The following KCNK18 variants were observed in gnomAD, a reference collection of about 807,000 sequenced individuals.
KCNK18 encodes the protein potassium two pore domain channel subfamily K member 18, also known as potassium channel subfamily K member 18.
A neutral mutation model predicts 11.8 loss-of-function variants in KCNK18; 8 were observed. The ratio of observed to expected loss-of-function variants is 0.68; its 90% CI spans 0.40 to 1.22. KCNK18 has a LOEUF of 1.22. Among genes scored for constraint, KCNK18 ranks in the 50% most tolerant of loss-of-function variants. KCNK18 has a pLI of 0.01. For synonymous variants in KCNK18, 208 were observed against 185.8 expected (o/e 1.12, Z -0.97); for missense variants, 442 against 465.4 (o/e 0.95, Z 0.46).
intron 2 of KCNK18, among the ~76,000 whole-genome samples, chr10:117,204,508 T>TG (rs1855054435): frequency 1.3e-5 from 2 of 152,064 alleles, no homozygotes; most frequent in African/African-American, 2.4e-5. Context: ...AAATTTCCTC[T>TG]GGGGGGCAAA....
intron 2 of KCNK18, among the ~76,000 whole-genome samples, chr10:117,205,702 C>G (rs1435683229): frequency 6.6e-6 from 1 of 152,168 alleles, no homozygotes; most frequent in Non-Finnish European, 1.5e-5. Flanking sequence ...TGTCCTGCGT[C>G]TATCTGAAGC....
chr10:117,197,636 C>T lies in KCNK18; in HGVS notation c.148C>T (p.Leu50=), dbSNP rs761689670. 8.1e-6 allele frequency: 13 copies of T among 1,614,076 alleles called. No homozygotes were observed. In the South Asian group the frequency reaches 1.4e-4, roughly 18 times the overall value. The change falls in exon 1 of 3, where the codon CTG becomes TTG. Residue 50 remains leucine, a synonymous_variant. Transcript: ENST00000334549. ...CTCTGCCATTGAGGACGGCCAGGTCCTGGTGGCAGCAGATGATGGAGAGTT... is the reference window on the plus strand; with the variant it reads ...CTCTGCCATTGAGGACGGCCAGGTCTTGGTGGCAGCAGATGATGGAGAGTT... ...VFSAIEDGQV[L]VAADDGEFEK... is the part of the protein sequence containing the mutation.
chr10:117,202,483 A>G (rs956682731), intron 2 of KCNK18, among the ~76,000 whole-genome samples: 8 of 152,348 alleles, frequency 5.3e-5, no homozygotes, highest in Admixed American at 4.6e-4. Flanking sequence ...ATTCGCAGTC[A>G]TGGCATTGGG....
At position 117,210,257 on chromosome 10, in the gene KCNK18, A is replaced by C. The variant is rs1406842223; in HGVS notation, c.1113A>C (p.Leu371=). ...TTGACATATACAAAAATGTTATGCTATTCTTTGCAAAAGGGAAGTTTTACC... is the reference window on the plus strand; with the variant it reads ...TTGACATATACAAAAATGTTATGCTCTTCTTTGCAAAAGGGAAGTTTTACC... ...RLIDIYKNVM[L]FFAKGKFYHL... Residue 371 remains leucine, a synonymous_variant, in exon 3 of 3, where the codon CTA becomes CTC. Transcript: ENST00000334549. The C allele has an allele frequency of 1.2e-6, 2 of 1,614,122 alleles. No individual in the cohort carries two copies. The highest frequency in any genetic ancestry group is 2.2e-5 in the South Asian group (2 of 91,086).
rs1163642876 is a variant in KCNK18 at position 117,197,718 on chromosome 10, G to T, written c.223+7G>T. ...TTGAACTGCAGTGAAACAGGTAGGTGCCTCACCTGGACAGGGTGGGCCTTT... is the reference window on the plus strand; with the variant it reads ...TTGAACTGCAGTGAAACAGGTAGGTTCCTCACCTGGACAGGGTGGGCCTTT... On this transcript the variant is annotated splice_region_variant and intron_variant, in intron 1 of 2. Coordinates refer to ENST00000334549, the MANE Select transcript of KCNK18 (RefSeq NM_181840.1). 6.2e-7 allele frequency: 1 copy of T among 1,612,544 alleles called. No homozygotes were observed. The highest frequency in any genetic ancestry group is 2.2e-5 in the East Asian group (1 of 44,886).
At chr10:117,201,659 C>T (rs766847802) in intron 2 of KCNK18, among the ~76,000 whole-genome samples, 1 of 152,320 alleles carries the variant, frequency 6.6e-6, no homozygotes, top group African/African-American at 2.4e-5. Flanking sequence ...CTATGTATAA[C>T]TTTCTATGCA....
chr10:117,202,441 C>T (rs539883608), intron 2 of KCNK18, among the ~76,000 whole-genome samples: 1 of 152,240 alleles, frequency 6.6e-6, no homozygotes, highest in Non-Finnish European at 1.5e-5. Context: ...GAGGACAGCT[C>T]TAGGCTGATA....
intron 1 of KCNK18, among the ~76,000 whole-genome samples, chr10:117,199,146 C>G (rs1435925747): frequency 6.6e-6 from 1 of 152,182 alleles, no homozygotes; most frequent in Non-Finnish European, 1.5e-5. Flanking sequence ...AGGTGAGACC[C>G]TGTCTCTATA....
At chr10:117,208,413 G>A (rs542043990) in intron 2 of KCNK18, among the ~76,000 whole-genome samples, 28 of 152,154 alleles carry the variant, frequency 1.8e-4, no homozygotes, top group Non-Finnish European at 3.7e-4. Flanking sequence ...TAGTCAATAC[G>A]CAAAGTAGGT....
chr10:117,201,036 T>C, intron 1 of KCNK18, 123 bp from the exon 2 acceptor site: 1 of 1,186,476 alleles, frequency 8.4e-7, no homozygotes, highest in East Asian at 2.3e-5. Flanking sequence ...GCTTTGGTGT[T>C]GATACTGACC....
chr10:117,209,456 A>G, intron 2 of KCNK18, 41 bp from the exon 3 acceptor site: 1 of 1,531,496 alleles, frequency 6.5e-7, no homozygotes, highest in Middle Eastern at 1.7e-4. Flanking sequence ...GAAAAAGGGA[A>G]GGGGCCAGAT....
intron 2 of KCNK18, among the ~76,000 whole-genome samples, chr10:117,202,795 C>T (rs878499): frequency 6.6e-6 from 1 of 151,796 alleles, no homozygotes; most frequent in African/African-American, 2.4e-5. Context: ...GGTGGGCAAC[C>T]GGTGTCTGCT....
intron 1 of KCNK18, among the ~76,000 whole-genome samples, chr10:117,199,324 T>C (rs1012466554): frequency 6.6e-6 from 1 of 152,044 alleles, no homozygotes; most frequent in African/African-American, 2.4e-5. Flanking sequence ...GTCTCAAAAA[T>C]AAATAAGTAA....
At position 117,209,573 on chromosome 10, in the gene KCNK18, G is replaced by C; in HGVS notation, c.429G>C (p.Leu143=). Residue 143 remains leucine, a synonymous_variant, in exon 3 of 3, where the codon CTG becomes CTC. Coordinates refer to ENST00000334549, the MANE Select transcript of KCNK18 (RefSeq NM_181840.1). ...TCTATGCTCTCTTTGGTATCCCCCT[G>C]ATGTTCCTCGTTCTCACGGACACAG... The part of the protein sequence containing the change: ...CMLYALFGIP[L]MFLVLTDTGD... 1 of 1,614,056 alleles carries C rather than the reference G, an allele frequency of 6.2e-7. No homozygotes were observed. Among genetic ancestry groups the C allele is most frequent in the Non-Finnish European group, 8.5e-7 (1 of 1,180,020 alleles).
intron 2 of KCNK18, among the ~76,000 whole-genome samples, chr10:117,207,635 G>T (rs1490232141): frequency 6.6e-6 from 1 of 152,194 alleles, no homozygotes; most frequent in Non-Finnish European, 1.5e-5. Context: ...GTGGCATGGA[G>T]TGCTCTGGAA....
intron 2 of KCNK18, 131 bp from the exon 3 acceptor site, chr10:117,209,366 T>G: frequency 1.2e-6 from 1 of 835,818 alleles, no homozygotes. Flanking sequence ...TGCTTTGAGA[T>G]GAGTATTTTC....
chr10:117,209,997 A>G lies in KCNK18; in HGVS notation c.853A>G (p.Ile285Val), dbSNP rs1356799341. 1 of 1,614,020 alleles carries G rather than the reference A, an allele frequency of 6.2e-7. No individual in the cohort carries two copies. Among genetic ancestry groups the G allele is most frequent in the South Asian group, 1.1e-5 (1 of 91,080 alleles). Residue 285 changes from isoleucine to valine, a missense_variant, in exon 3 of 3, where the codon ATC (isoleucine) becomes GTC (valine). Coordinates refer to ENST00000334549, the MANE Select transcript of KCNK18 (RefSeq NM_181840.1). Reference protein sequence around the residue: ...QVERLDIPLPIIALIVFAYIS... With the variant: ...QVERLDIPLPVIALIVFAYIS... ...GGAGAGGTTGGACATCCCCCTCCCC[A>G]TCATTGCCCTTATTGTTTTTGCCTA... is the stretch of plus-strand genomic sequence containing the variant.
At chr10:117,207,015 A>G (rs1855084075) in intron 2 of KCNK18, among the ~76,000 whole-genome samples, 1 of 151,962 alleles carries the variant, frequency 6.6e-6, no homozygotes, top group Non-Finnish European at 1.5e-5. Context: ...CTGGGCCCAA[A>G]TCCAGGATGG....
At position 117,198,875 on chromosome 10, in the gene KCNK18, G is replaced by A. The variant is rs190109630; in HGVS notation, c.223+1164G>A. On this transcript the variant is annotated intron_variant, in intron 1 of 2. Coordinates refer to ENST00000334549, the MANE Select transcript of KCNK18 (RefSeq NM_181840.1). ...GCTGCCAAAGGGACACTGCACCATCGCAGGGCCTAGACTACCAGCAAGTTC... is the reference window on the plus strand; with the variant it reads ...GCTGCCAAAGGGACACTGCACCATCACAGGGCCTAGACTACCAGCAAGTTC... Among the ~76,000 whole-genome samples the A allele has an allele frequency of 5.6e-4, 86 of 152,308 alleles. No homozygotes were observed. In the Middle Eastern group the frequency reaches 0.031, roughly 54 times the overall value.
Sources: allele counts gnomAD v4.1 joint callset (sites outside exome capture counted in the v4.1 genomes callset), GRCh38; gene constraint gnomAD v4.1.1; transcripts MANE v1.5; gene names NCBI Gene and HGNC (gene_info 2026-07-23, HGNC 2026-07-21).